Variants in XKR6 observed in about 807,000 individuals in gnomAD.
The protein encoded by XKR6 is XK related 6, also known as XK-related protein 6.
In XKR6, 22 loss-of-function variants were observed where a neutral mutation model predicts 56.7. The observed-to-expected ratio is 0.39, with a 90% CI of 0.28 to 0.55. The LOEUF (loss-of-function observed/expected upper bound fraction) is 0.55. XKR6 is among the 20% of genes least tolerant of loss of function. The probability of loss-of-function intolerance (pLI) is 0.66; values close to 1 mark genes in which losing one functional copy is unlikely to be tolerated. For missense variants in XKR6, 852 were observed against 889.0 expected, an observed-to-expected ratio of 0.96 and a Z score of 0.53; for synonymous variants, 524 against 387.8, an observed-to-expected ratio of 1.35 and a Z score of -4.13.
chr8:11,032,119 C>T (rs770032826), intron 1 of XKR6, among the ~76,000 whole-genome samples: 5 of 152,200 alleles, frequency 3.3e-5, no homozygotes, highest in Admixed American at 2.0e-4. Flanking sequence ...GGTGATACTG[C>T]CCCTCTGGGA....
At chr8:11,139,140 A>T (rs1800552095) in intron 1 of XKR6, among the ~76,000 whole-genome samples, 1 of 152,194 alleles carries the variant, frequency 6.6e-6, no homozygotes, top group Admixed American at 6.5e-5. Flanking sequence ...AGGCAATTTT[A>T]CTCTCTTGGC....
At chr8:10,967,914 C>T (rs867240218) in intron 1 of XKR6, among the ~76,000 whole-genome samples, 3 of 152,154 alleles carry the variant, frequency 2.0e-5, no homozygotes, top group Admixed American at 6.5e-5. Context: ...CAGGCTGCCT[C>T]GGCTCTGCAC....
intron 1 of XKR6, among the ~76,000 whole-genome samples, chr8:11,065,648 G>T (rs1218399340): frequency 6.6e-6 from 1 of 151,562 alleles, no homozygotes; most frequent in Non-Finnish European, 1.5e-5. Flanking sequence ...ATTCTTTCCT[G>T]GCTTGCGAAC....
At chr8:10,905,797 TC>T (rs1800172916) in intron 2 of XKR6, among the ~76,000 whole-genome samples, 1 of 152,168 alleles carries the variant, frequency 6.6e-6, no homozygotes, top group African/African-American at 2.4e-5. Context: ...CTGTCAAACT[TC>T]CCTCTGTCTT....
At chr8:11,114,729 G>GTA (rs1799081919) in intron 1 of XKR6, among the ~76,000 whole-genome samples, 2 of 28,380 alleles carry the variant, frequency 7.0e-5, no homozygotes, top group Admixed American at 2.4e-4. Context: ...GATCACATAT[G>GTA]TGTGTGTGTG....
chr8:11,082,993 C>T (rs1485928024), intron 1 of XKR6, among the ~76,000 whole-genome samples: 1 of 152,220 alleles, frequency 6.6e-6, no homozygotes, highest in Non-Finnish European at 1.5e-5. Flanking sequence ...CTCACCTTCC[C>T]AGCCCTTTCT....
intron 1 of XKR6, among the ~76,000 whole-genome samples, chr8:11,159,868 G>A (rs1801706656): frequency 6.6e-6 from 1 of 152,142 alleles, no homozygotes; most frequent in Non-Finnish European, 1.5e-5. Context: ...TTAGAATGTT[G>A]TTGATTAGAG....
intron 1 of XKR6, among the ~76,000 whole-genome samples, chr8:10,987,005 G>C (rs953347910): frequency 6.6e-6 from 1 of 151,976 alleles, no homozygotes; most frequent in African/African-American, 2.4e-5. Flanking sequence ...GCACAGGCTG[G>C]TCTTGAACTC....
At chr8:11,018,926 C>G (rs1300818382) in intron 1 of XKR6, among the ~76,000 whole-genome samples, 1 of 152,310 alleles carries the variant, frequency 6.6e-6, no homozygotes, top group East Asian at 1.9e-4. Flanking sequence ...TGCTCTGTCT[C>G]TCCTGCCACC....
chr8:11,079,185 A>C (rs1333257210), intron 1 of XKR6, among the ~76,000 whole-genome samples: 1 of 152,224 alleles, frequency 6.6e-6, no homozygotes, highest in Admixed American at 6.5e-5. Flanking sequence ...GGCAGGAGAT[A>C]CCAGGGGGCA....
intron 1 of XKR6, among the ~76,000 whole-genome samples, chr8:10,966,184 T>A (rs1456176977): frequency 6.6e-6 from 1 of 152,144 alleles, no homozygotes; most frequent in Non-Finnish European, 1.5e-5. Context: ...AAACACTGAC[T>A]AAGAAACACA....
chr8:11,186,798 A>G (rs1723633357), intron 1 of XKR6, among the ~76,000 whole-genome samples: 2 of 152,162 alleles, frequency 1.3e-5, no homozygotes, highest in Non-Finnish European at 2.9e-5. Context: ...ATACCACCCC[A>G]CGACAAACAA....
chr8:10,942,778 C>T (rs940183074), intron 1 of XKR6, among the ~76,000 whole-genome samples: 6 of 152,244 alleles, frequency 3.9e-5, no homozygotes, highest in Non-Finnish European at 7.3e-5. Context: ...GCCCTGTTCA[C>T]GCTACAACCC....
intron 1 of XKR6, among the ~76,000 whole-genome samples, chr8:11,050,284 C>T (rs1190593551): frequency 6.6e-6 from 1 of 152,106 alleles, no homozygotes; most frequent in Non-Finnish European, 1.5e-5. Flanking sequence ...TCGTCGAGAT[C>T]GCGGCTGATC....
chr8:11,165,699 A>G (rs1270207753), intron 1 of XKR6, among the ~76,000 whole-genome samples: 3 of 152,214 alleles, frequency 2.0e-5, no homozygotes, highest in Non-Finnish European at 2.9e-5. Context: ...ATCCAGTATC[A>G]AAATGATTCA....
chr8:11,154,388 T>G (rs1049613390), intron 1 of XKR6, among the ~76,000 whole-genome samples: 2 of 152,234 alleles, frequency 1.3e-5, no homozygotes, highest in African/African-American at 4.8e-5. Flanking sequence ...AGGGTAACAA[T>G]GCCCAGCCTC....
chr8:10,932,985 C>T (rs1243778626), intron 1 of XKR6, among the ~76,000 whole-genome samples: 3 of 151,024 alleles, frequency 2.0e-5, no homozygotes, highest in African/African-American at 2.4e-5. Context: ...GTTCTAGATC[C>T]CTGAGGAATC....
chr8:11,195,708 G>T (rs1307295498), intron 1 of XKR6, among the ~76,000 whole-genome samples: 1 of 150,806 alleles, frequency 6.6e-6, no homozygotes, highest in Non-Finnish European at 1.5e-5. Flanking sequence ...GAGTGCAGTG[G>T]CGCGAACTTG....
At chr8:10,978,546 C>A (rs1255074478) in intron 1 of XKR6, among the ~76,000 whole-genome samples, 1 of 152,154 alleles carries the variant, frequency 6.6e-6, no homozygotes, top group Non-Finnish European at 1.5e-5. Context: ...TTATTAGGGT[C>A]TCGTGCATTC....
Sources: gnomAD v4.1 joint callset for allele counts (sites outside exome capture counted in the v4.1 genomes callset) on GRCh38, gnomAD v4.1.1 for gene constraint, MANE v1.5 for transcripts, NCBI Gene and HGNC (gene_info 2026-07-23, HGNC 2026-07-21) for gene names.